The following SLC35B4 variants were observed in gnomAD, a reference collection of about 807,000 sequenced individuals.
The protein encoded by SLC35B4 is solute carrier family 35 member B4, also known as nucleotide sugar transporter SLC35B4.
A neutral mutation model predicts 39.5 loss-of-function variants in SLC35B4; 28 were observed. The observed-to-expected ratio is 0.71, with a 90% CI of 0.53 to 0.97. The LOEUF is 0.97. Ranked by LOEUF, SLC35B4 falls within the 50% of genes least tolerant of loss-of-function variation. The probability of loss-of-function intolerance (pLI) is 0.00; values close to 1 mark genes in which losing one functional copy is unlikely to be tolerated. For synonymous variants in SLC35B4, 145 were observed against 150.4 expected, an observed-to-expected ratio of 0.96 and a Z score of 0.26; for missense variants, 334 against 414.3, an observed-to-expected ratio of 0.81 and a Z score of 1.68.
rs1165274934 is a variant in SLC35B4 at position 134,316,726 on chromosome 7, A to G, written c.26T>C (p.Leu9Pro). 4 of 1,550,108 alleles carry G rather than the reference A, an allele frequency of 2.6e-6. No homozygotes were observed. The East Asian group carries it at 9.8e-5, about 38-fold the overall frequency. ...GTTACTGCAGCAGCCTGCGAACACC[A>G]GGCCCACCGCCAAGGCCGGGCGCAT... Reference protein sequence around the residue: MRPALAVGLVFAGCCSNVI... With the variant: MRPALAVGPVFAGCCSNVI... The change falls in exon 1 of 10, where the codon CTG (leucine) becomes CCG (proline). Residue 9 changes from leucine (L) to proline (P), a missense_variant. By Grantham distance (98) the Leu-to-Pro change is moderately conservative (BLOSUM62 -3). Transcript: ENST00000378509.
At chr7:134,317,343 C>T (rs1804012336), upstream of SLC35B4, among the ~76,000 whole-genome samples, 1 of 152,128 alleles carries the variant, frequency 6.6e-6, no homozygotes, top group African/African-American at 2.4e-5. Context: ...TATTATGCTG[C>T]CAGGATTAAG....
At chr7:134,312,045 T>C (rs889082182) in intron 1 of SLC35B4, among the ~76,000 whole-genome samples, 12 of 152,278 alleles carry the variant, frequency 7.9e-5, no homozygotes, top group Admixed American at 7.8e-4. Context: ...TGAGTGCCTA[T>C]CTCTGATTTA....
In SLC35B4 at chr7:134,294,827, C is replaced by T. The variant is rs749035832; in HGVS notation, c.*6G>A. On this transcript the variant is annotated 3_prime_UTR_variant, in exon 10 of 10. Transcript: ENST00000378509. Reference sequence around the variant, plus strand: ...ACGACACTGGTCTACGTACTCCAGACAGGCCTCAGTTCTTCTTGCTGTCCT... The same window carrying T: ...ACGACACTGGTCTACGTACTCCAGATAGGCCTCAGTTCTTCTTGCTGTCCT... 2 of 1,613,810 alleles carry T rather than the reference C, an allele frequency of 1.2e-6. No homozygotes were observed. The highest frequency in any genetic ancestry group is 2.2e-5 in the South Asian group (2 of 90,998).
chr7:134,291,522 A>C lies in SLC35B4; in HGVS notation c.*3311T>G, dbSNP rs1803329448. 1 of 152,214 alleles carries C rather than the reference A, an allele frequency of 6.6e-6. No homozygotes were observed. The highest frequency in any genetic ancestry group is 2.1e-4 in the South Asian group (1 of 4,822). 9.4% of individuals were successfully genotyped at this position (152,214 alleles called of 1,614,324 possible). ...AAGCTGCTCAGGAGATGACTGCGGG[A>C]TATTTATTAGAATCCTTGAAAAACA... On this transcript the variant is annotated 3_prime_UTR_variant, in exon 10 of 10. Transcript: ENST00000378509.
At chr7:134,316,980 C>T (rs1192506313), upstream of SLC35B4, 3 of 556,122 alleles carry the variant, frequency 5.4e-6, no homozygotes, top group Non-Finnish European at 9.6e-6. Context: ...AGGGGGCGTC[C>T]GAGCCCCGGC....
Position 134,295,075 on chromosome 7 carries a change from C to A in SLC35B4, c.754G>T (p.Val252Leu). The change falls in exon 10 of 10, where the codon GTG becomes TTG. Residue 252 changes from valine to leucine, a missense_variant. Transcript: ENST00000378509. ...YLLMNIITQY[V>L]CIRGVFILTT... ...AGGATAAACACACCCCGGATGCACA[C>A]GTACCTGGAGGAGTGGAGTCAAGGT... 1 of 1,613,868 alleles carries A rather than the reference C, an allele frequency of 6.2e-7. No individual in the cohort carries two copies.
chr7:134,302,342 T>C (rs1339238060), intron 4 of SLC35B4, among the ~76,000 whole-genome samples: 1 of 152,208 alleles, frequency 6.6e-6, no homozygotes, highest in Non-Finnish European at 1.5e-5. Flanking sequence ...AACAATTTGC[T>C]GACCAATCGA....
At chr7:134,316,527 G>A (rs1412339009) in intron 1 of SLC35B4, 148 bp downstream of exon 1, 6 of 755,226 alleles carry the variant, frequency 7.9e-6, no homozygotes, top group South Asian at 5.5e-5. Flanking sequence ...CAGACAGGAC[G>A]GATTGCTGGG....
chr7:134,305,336 G>GTGTATATA (rs1554484072), intron 3 of SLC35B4, among the ~76,000 whole-genome samples: 13 of 149,300 alleles, frequency 8.7e-5, no homozygotes, highest in Middle Eastern at 6.9e-3. Flanking sequence ...AAAAATATAC[G>GTGTATATA]TATATATATA....
chr7:134,315,544 T>C (rs1803951900), intron 1 of SLC35B4, among the ~76,000 whole-genome samples: 1 of 151,778 alleles, frequency 6.6e-6, no homozygotes, highest in African/African-American at 2.4e-5. Flanking sequence ...GCTAAGGTTA[T>C]GTGTATAAGG....
At chr7:134,315,309 T>C (rs1803947294) in intron 1 of SLC35B4, among the ~76,000 whole-genome samples, 1 of 152,180 alleles carries the variant, frequency 6.6e-6, no homozygotes, top group African/African-American at 2.4e-5. Flanking sequence ...TGACCAATCT[T>C]CTGCACAGGA....
At chr7:134,295,528 T>C (rs1044346670) in intron 9 of SLC35B4, among the ~76,000 whole-genome samples, 2 of 152,178 alleles carry the variant, frequency 1.3e-5, no homozygotes, top group East Asian at 1.9e-4. Flanking sequence ...ATTATTTTTA[T>C]AATGAAAGTA....
intron 1 of SLC35B4, 21 bp from the exon 2 acceptor site, chr7:134,309,500 G>C (rs770094893): frequency 3.2e-6 from 5 of 1,558,422 alleles, no homozygotes; most frequent in Non-Finnish European, 4.4e-6. Context: ...AATAATAAAA[G>C]AGGGGGTGAA....
At position 134,299,536 on chromosome 7, in the gene SLC35B4, T is replaced by C. The variant is rs1267579384; in HGVS notation, c.660A>G (p.Leu220=). ...LASDIYDHAV[L]FNKSELYEIP... is the part of the protein sequence containing the mutation. ...CCCCAAACTCACCAGACTTATTGAATAGAACTGCATGGTCATAAATATCAG... is the reference window on the plus strand; with the variant it reads ...CCCCAAACTCACCAGACTTATTGAACAGAACTGCATGGTCATAAATATCAG... The change falls in exon 8 of 10, where the codon CTA becomes CTG. Residue 220 remains leucine (L), a synonymous_variant. Coordinates refer to ENST00000378509, the MANE Select transcript of SLC35B4 (RefSeq NM_032826.5). 1.2e-6 allele frequency: 2 copies of C among 1,613,582 alleles called. No individual in the cohort carries two copies. Among genetic ancestry groups the C allele is most frequent in the African/African-American group, 1.3e-5 (1 of 74,888 alleles).
At position 134,294,778 on chromosome 7, in the gene SLC35B4, C is replaced by T; in HGVS notation, c.*55G>A. 5.0e-6 allele frequency: 8 copies of T among 1,595,100 alleles called. No individual in the cohort carries two copies. Among genetic ancestry groups the T allele is most frequent in the Admixed American group, 1.7e-5 (1 of 59,146 alleles). ...TAACAAAAGCGAAACGGTGGTCAGA[C>T]CTTCACAGGGTCCCACCCTCACGAC... On this transcript the variant is annotated 3_prime_UTR_variant, in exon 10 of 10. Coordinates refer to ENST00000378509, the MANE Select transcript of SLC35B4 (RefSeq NM_032826.5).
At chr7:134,308,311 G>A (rs1282661049) in intron 2 of SLC35B4, among the ~76,000 whole-genome samples, 1 of 152,118 alleles carries the variant, frequency 6.6e-6, no homozygotes, top group Non-Finnish European at 1.5e-5. Flanking sequence ...TAAAAGATAT[G>A]GTGACAGGGT....
Position 134,293,585 on chromosome 7 carries a change from ACT to A in SLC35B4, c.*1246_*1247del, listed in dbSNP as rs1803384491. 1 of 151,910 alleles carries A rather than the reference ACT, an allele frequency of 6.6e-6. No homozygotes were observed. The highest frequency in any genetic ancestry group is 2.4e-5 in the African/African-American group (1 of 41,370). The allele number at this position is 151,910 out of a possible 1,614,324, so 9.4% of individuals were successfully genotyped here. A position where few individuals can be genotyped will look rare whatever the true frequency, so the allele number is the denominator to read the frequency against. On this transcript the variant is annotated 3_prime_UTR_variant, in exon 10 of 10. Transcript: ENST00000378509. The stretch of plus-strand genomic sequence containing the variant: ...CTATGCATTCCCTTGATGGGTCGTG[ACT>A]CTTAACAGAGTCATCGGGCAGAGGG...
intron 4 of SLC35B4, among the ~76,000 whole-genome samples, chr7:134,303,017 C>G (rs2117295932): frequency 6.6e-6 from 1 of 152,000 alleles, no homozygotes; most frequent in East Asian, 1.9e-4. Flanking sequence ...ACAACTGAGG[C>G]CAAAAATAAT....
intron 3 of SLC35B4, 42 bp downstream of exon 3, chr7:134,306,630 A>G: frequency 2.6e-6 from 4 of 1,525,834 alleles, no homozygotes; most frequent in South Asian, 2.3e-5. Flanking sequence ...ACTTAACTAT[A>G]CTTTTCAGAG....
Sources: allele counts gnomAD v4.1 joint callset (sites outside exome capture counted in the v4.1 genomes callset), GRCh38; gene constraint gnomAD v4.1.1; transcripts MANE v1.5; gene names NCBI Gene and HGNC (gene_info 2026-07-23, HGNC 2026-07-21).